The following CAMK2D variants were observed in gnomAD, a reference collection of about 807,000 sequenced individuals.
The protein encoded by CAMK2D is calcium/calmodulin-dependent protein kinase type II subunit delta.
A neutral mutation model predicts 84.0 loss-of-function variants in CAMK2D; 37 were observed. The observed-to-expected ratio is 0.44, with a 90% confidence interval of 0.34 to 0.58. CAMK2D has a LOEUF of 0.58. CAMK2D is among the 20% of genes least tolerant of loss of function. CAMK2D has a pLI of 0.02. For missense variants in CAMK2D, 448 were observed against 652.5 expected, an observed-to-expected ratio of 0.69 and a Z score of 3.41; for synonymous variants, 202 against 212.5, an observed-to-expected ratio of 0.95 and a Z score of 0.43.
At chr4:113,726,683 G>A (rs1002551881) in intron 2 of CAMK2D, among the ~76,000 whole-genome samples, 3 of 151,972 alleles carry the variant, frequency 2.0e-5, no homozygotes, top group Non-Finnish European at 4.4e-5. Flanking sequence ...TGGGATTATA[G>A]GTGTGAGCCA....
In CAMK2D at chr4:113,670,632, T is replaced by C. The variant is rs181982211; in HGVS notation, c.161-8860A>G. Among the ~76,000 whole-genome samples, 44 of 152,246 alleles carry C rather than the reference T, an allele frequency of 2.9e-4. 1 individual carries two copies. The East Asian group carries it at 8.1e-3, about 28-fold the overall frequency. ...TGCTGCACAATTCCATTTTGACTTT[T>C]AGGCATAATAGAGCTAAGTCACTTG... On this transcript the variant is annotated intron_variant, in intron 2 of 20. Coordinates refer to ENST00000511664, the MANE Select transcript of CAMK2D (RefSeq NM_001321571.2).
chr4:113,753,805 GT>G, intron 2 of CAMK2D: 1 of 857,900 alleles, frequency 1.2e-6, no homozygotes, highest in Non-Finnish European at 1.4e-6. Flanking sequence ...GGGGGCGGGG[GT>G]GGTACTTAAG....
At chr4:113,632,632 G>A (rs1181885535) in intron 3 of CAMK2D, among the ~76,000 whole-genome samples, 2 of 151,230 alleles carry the variant, frequency 1.3e-5, no homozygotes, top group African/African-American at 2.4e-5. Flanking sequence ...AAAAAAAAAA[G>A]AAAAAAATCA....
intron 9 of CAMK2D, 45 bp from the exon 10 acceptor site, chr4:113,515,236 T>A: frequency 7.2e-7 from 1 of 1,393,494 alleles, no homozygotes; most frequent in Admixed American, 2.0e-5. Flanking sequence ...ATAGACACAC[T>A]CGATCAAACA....
chr4:113,603,771 T>TATATATATATATATATATA (rs1561290012), intron 4 of CAMK2D, among the ~76,000 whole-genome samples: 8 of 86,942 alleles, frequency 9.2e-5, no homozygotes, highest in African/African-American at 3.7e-4. Flanking sequence ...TTTCTTGCTA[T>TATATATATATATATATATA]TTTATATATA....
rs1022056675 is a variant in CAMK2D, at chr4:113,701,859, G to A, written c.161-40087C>T. On this transcript the variant is annotated intron_variant, in intron 2 of 20. Transcript: ENST00000511664. ...AGAGTAGCTGGGACCACAGGCATGC[G>A]CCATGATGCCCAGCAAATTTTTGTA... is the stretch of plus-strand genomic sequence containing the variant. Among the ~76,000 whole-genome samples, 7 of 152,054 alleles carry A rather than the reference G, an allele frequency of 4.6e-5. No homozygotes were observed. The South Asian group carries it at 6.2e-4, about 13-fold the overall frequency.
intron 3 of CAMK2D, among the ~76,000 whole-genome samples, chr4:113,632,382 C>A (rs576972125): frequency 8.5e-5 from 13 of 152,174 alleles, no homozygotes; most frequent in African/African-American, 2.9e-4. Context: ...CACCACCACT[C>A]CCAGCTAATT....
At chr4:113,670,021 C>T (rs1393301116) in intron 2 of CAMK2D, among the ~76,000 whole-genome samples, 1 of 152,212 alleles carries the variant, frequency 6.6e-6, no homozygotes, top group Non-Finnish European at 1.5e-5. Context: ...TGGCTCACGT[C>T]TGTAATCCCA....
intron 15 of CAMK2D, among the ~76,000 whole-genome samples, chr4:113,501,965 G>C (rs963378691): frequency 1.3e-5 from 2 of 151,912 alleles, no homozygotes; most frequent in African/African-American, 2.4e-5. Flanking sequence ...TTACTTTAAT[G>C]GTTTTAATAT....
chr4:113,508,417 T>G (rs1389004424), intron 13 of CAMK2D: 1 of 635,394 alleles, frequency 1.6e-6, no homozygotes, highest in Non-Finnish European at 2.8e-6. Context: ...ATGCGTTCTA[T>G]GTAAGGATAG....
intron 4 of CAMK2D, among the ~76,000 whole-genome samples, chr4:113,556,997 G>A (rs2098669388): frequency 6.6e-6 from 1 of 152,152 alleles, no homozygotes; most frequent in East Asian, 1.9e-4. Flanking sequence ...GGTTTGACCT[G>A]TTATTTGAGC....
intron 2 of CAMK2D, among the ~76,000 whole-genome samples, chr4:113,757,650 T>C (rs2099631411): frequency 6.6e-6 from 1 of 152,070 alleles, no homozygotes; most frequent in African/African-American, 2.4e-5. Flanking sequence ...ATAATGAAAA[T>C]CATTACATCC....
intron 2 of CAMK2D, among the ~76,000 whole-genome samples, chr4:113,719,064 T>C (rs1045237064): frequency 3.9e-5 from 6 of 152,164 alleles, no homozygotes; most frequent in Non-Finnish European, 7.4e-5. Flanking sequence ...AAATTCAAGA[T>C]AAACATAAAC....
At chr4:113,603,771 T>TATATATATATATA (rs1561290012) in intron 4 of CAMK2D, among the ~76,000 whole-genome samples, 1 of 86,948 alleles carries the variant, frequency 1.2e-5, no homozygotes, top group African/African-American at 4.6e-5. Context: ...TTTCTTGCTA[T>TATATATATATATA]TTTATATATA....
At chr4:113,645,240 T>C (rs112084875) in intron 3 of CAMK2D, among the ~76,000 whole-genome samples, 1 of 152,054 alleles carries the variant, frequency 6.6e-6, no homozygotes, top group Non-Finnish European at 1.5e-5. Context: ...ATGGTCTCGA[T>C]CTCCTGACCT....
chr4:113,632,919 G>T (rs970839389), intron 3 of CAMK2D, among the ~76,000 whole-genome samples: 1 of 152,180 alleles, frequency 6.6e-6, no homozygotes, highest in Admixed American at 6.5e-5. Context: ...CTAGGACTGA[G>T]AAATAATCTA....
At chr4:113,455,482 A>T (rs1371497864) in intron 20 of CAMK2D, among the ~76,000 whole-genome samples, 2 of 152,190 alleles carry the variant, frequency 1.3e-5, no homozygotes, top group East Asian at 3.8e-4. Flanking sequence ...AACATGACAC[A>T]ATCCACATGT....
At chr4:113,735,013 T>G (rs562234920) in intron 2 of CAMK2D, among the ~76,000 whole-genome samples, 155 of 150,894 alleles carry the variant, frequency 1.0e-3, no homozygotes, top group African/African-American at 3.7e-3. Context: ...TTCCGAAAAC[T>G]ACCCAAGACA....
intron 5 of CAMK2D, chr4:113,548,698 T>A: frequency 6.3e-7 from 1 of 1,588,060 alleles, no homozygotes; most frequent in Non-Finnish European, 8.6e-7. Flanking sequence ...TGACAATGAT[T>A]AACACTTTCT....
Sources: gnomAD v4.1 joint callset for allele counts (sites outside exome capture counted in the v4.1 genomes callset) on GRCh38, gnomAD v4.1.1 for gene constraint, MANE v1.5 for transcripts, NCBI Gene and HGNC (gene_info 2026-07-23, HGNC 2026-07-21) for gene names.